Variants in SLC4A8 observed in about 807,000 individuals in gnomAD.
SLC4A8 encodes solute carrier family 4 member 8.
In SLC4A8, 40 loss-of-function variants were observed where a neutral mutation model predicts 125.0. That is an observed-to-expected ratio of 0.32 (90% CI 0.25 to 0.42). The LOEUF is 0.42. SLC4A8 is among the 10% of genes least tolerant of loss of function. The pLI, the probability that SLC4A8 is intolerant of heterozygous loss-of-function variation, is 1.00. For synonymous variants in SLC4A8, 456 were observed against 476.0 expected, an observed-to-expected ratio of 0.96 and a Z score of 0.55; for missense variants, 863 against 1,355.1, an observed-to-expected ratio of 0.64 and a Z score of 5.70.
rs1055693123 is a variant in SLC4A8 at position 51,448,410 on chromosome 12, G to A, written c.131-2466G>A. Among the ~76,000 whole-genome samples the A allele has an allele frequency of 3.3e-5, 5 of 152,324 alleles. No individual in the cohort carries two copies. The East Asian group carries it at 5.8e-4, about 18-fold the overall frequency. On this transcript the variant is annotated intron_variant, in intron 2 of 24. Transcript: ENST00000453097. ...AGAAACATGGAATGAGTATAAGACC[G>A]ATTTGAGATGGAGGATGGTGAGTTT...
At chr12:51,440,934 C>A in intron 2 of SLC4A8, 145 bp downstream of exon 2, 1 of 941,462 alleles carries the variant, frequency 1.1e-6, no homozygotes, top group Non-Finnish European at 1.5e-6. Flanking sequence ...CTTTCCTCAT[C>A]TGGTAAATAA....
chr12:51,512,538 G>A lies in SLC4A8; in HGVS notation c.*5100G>A, dbSNP rs1690054641. On this transcript the variant is annotated 3_prime_UTR_variant, in exon 25 of 25. Transcript: ENST00000453097. ...CAAACACTCAATCCGAGTCCTGGCT[G>A]CTTTCTTGCTTAGGTCTGTGGCTGG... 1 of 152,254 alleles carries A rather than the reference G, an allele frequency of 6.6e-6. No homozygotes were observed. Among genetic ancestry groups the A allele is most frequent in the Non-Finnish European group, 1.5e-5 (1 of 68,082 alleles). 9.4% of individuals were successfully genotyped at this position (152,254 alleles called of 1,614,324 possible). A position where few individuals can be genotyped will look rare whatever the true frequency, so the allele number is the denominator to read the frequency against.
chr12:51,441,455 A>T (rs1251253983), intron 2 of SLC4A8, among the ~76,000 whole-genome samples: 1 of 152,132 alleles, frequency 6.6e-6, no homozygotes, highest in Non-Finnish European at 1.5e-5. Context: ...CATAACCGTT[A>T]TGTGGTGTCC....
At chr12:51,502,126 A>G (rs1227043798) in intron 22 of SLC4A8, 2 of 152,264 alleles carry the variant, frequency 1.3e-5, no homozygotes, top group Non-Finnish European at 2.9e-5. Flanking sequence ...AGGGAGAACT[A>G]CAAAACATTG....
chr12:51,396,352 G>C (rs1948261492), intron 1 of SLC4A8, among the ~76,000 whole-genome samples: 1 of 152,156 alleles, frequency 6.6e-6, no homozygotes, highest in Non-Finnish European at 1.5e-5. Flanking sequence ...TTTGTCAGGG[G>C]AGCCTGATGT....
At position 51,494,919 on chromosome 12, in the gene SLC4A8, AATAAAT is replaced by A. The variant is rs770538274; in HGVS notation, c.2770-25_2770-20del. On this transcript the variant is annotated intron_variant, in intron 20 of 24. Coordinates refer to ENST00000453097, the MANE Select transcript of SLC4A8 (RefSeq NM_001039960.3). Reference sequence around the variant, plus strand: ...TTCTGACCCAGAATGCCCTCCTGAAAATAAATGCCAGTTCCTTCCTTTCAGTTCTTT... The same window carrying A: ...TTCTGACCCAGAATGCCCTCCTGAAAGCCAGTTCCTTCCTTTCAGTTCTTT... 1 of 1,606,008 alleles carries A rather than the reference AATAAAT, an allele frequency of 6.2e-7. No homozygotes were observed. Among genetic ancestry groups the A allele is most frequent in the Non-Finnish European group, 8.5e-7 (1 of 1,173,886 alleles).
chr12:51,460,064 A>G lies in SLC4A8; in HGVS notation c.969A>G (p.Pro323=), dbSNP rs1421088234. 4 of 1,613,804 alleles carry G rather than the reference A, an allele frequency of 2.5e-6. No individual in the cohort carries two copies. In the Admixed American group the frequency reaches 5.0e-5, roughly 20 times the overall value. ...RPIVAFVRLS[P]AVLLSGLTEV... ...TTGTTGCCTTTGTGAGGCTGTCTCC[A>G]GCTGTTCTTCTCTCAGGCCTAACAG... Residue 323 remains proline, a synonymous_variant, in exon 8 of 25, where the codon CCA becomes CCG. Transcript: ENST00000453097.
At position 51,424,999 on chromosome 12, in the gene SLC4A8, C is replaced by T. The variant is rs1436589005; in HGVS notation, c.12C>T (p.Ala4=). MPA[A]GSNEPDGVLS... ...AGTTCGGCTCCGCCATGCCGGCCGC[C>T]GGGAGTAACGAGCCGGACGGCGTCC... is the stretch of plus-strand genomic sequence containing the variant. Residue 4 remains alanine (A), a synonymous_variant, in exon 1 of 25, where the codon GCC becomes GCT. Coordinates refer to ENST00000453097, the MANE Select transcript of SLC4A8 (RefSeq NM_001039960.3). The T allele has an allele frequency of 6.4e-7, 1 of 1,555,792 alleles. No homozygotes were observed. The highest frequency in any genetic ancestry group is 2.4e-5 in the East Asian group (1 of 41,232).
At chr12:51,484,862 C>G (rs1201397093) in intron 16 of SLC4A8, among the ~76,000 whole-genome samples, 1 of 151,646 alleles carries the variant, frequency 6.6e-6, no homozygotes, top group African/African-American at 2.4e-5. Flanking sequence ...AGGGAGGTGG[C>G]CAATTTTAAG....
rs544120258 is a variant in SLC4A8, at chr12:51,436,115, T to G, written c.49-4593T>G. On this transcript the variant is annotated intron_variant, in intron 1 of 24. Transcript: ENST00000453097. ...GGACTGCATGGCTCTTATTTACCTT[T>G]TGTCTTAAAACTGTATCTCCTTTCT... Among the ~76,000 whole-genome samples, 3 of 152,370 alleles carry G rather than the reference T, an allele frequency of 2.0e-5. No individual in the cohort carries two copies. In the East Asian group the frequency reaches 5.8e-4, roughly 29 times the overall value.
intron 10 of SLC4A8, among the ~76,000 whole-genome samples, 186 bp from the exon 11 acceptor site, chr12:51,463,410 GGTGTGTGTGTGTGTGTGT>G (rs71731491): frequency 2.1e-5 from 3 of 144,028 alleles, no homozygotes; most frequent in Non-Finnish European, 3.0e-5. Flanking sequence ...GAAATTATGG[GGTGTGTGTGTGTGTGTGT>G]GTGTGTGTGT....
intron 1 of SLC4A8, among the ~76,000 whole-genome samples, chr12:51,432,755 C>A (rs187125953): frequency 1.6e-3 from 249 of 152,154 alleles, no homozygotes; most frequent in African/African-American, 5.8e-3. Flanking sequence ...CTCTGGAAAT[C>A]ATCTCTATAT....
At chr12:51,450,198 T>C (rs1247858699) in intron 2 of SLC4A8, among the ~76,000 whole-genome samples, 1 of 152,188 alleles carries the variant, frequency 6.6e-6, no homozygotes, top group East Asian at 1.9e-4. Flanking sequence ...TTCTAGATTG[T>C]GTATGCTACA....
chr12:51,453,586 G>T lies in SLC4A8; in HGVS notation c.461G>T (p.Ser154Ile). ...EDVEDGGERW[S>I]KPYVATLSLH... Reference sequence around the variant, plus strand: ...GTTGAAGATGGGGGAGAACGCTGGAGCAAGCCTTATGTGGCAACCCTTTCA... The same window carrying T: ...GTTGAAGATGGGGGAGAACGCTGGATCAAGCCTTATGTGGCAACCCTTTCA... Residue 154 changes from serine (S) to isoleucine (I), a missense_variant, in exon 5 of 25, where the codon AGC (serine) becomes ATC (isoleucine). This residue lies in a region of SLC4A8 where 390 missense variants were observed against 634.4 expected (regional missense o/e 0.61). Transcript: ENST00000453097. 1.9e-6 allele frequency: 3 copies of T among 1,614,204 alleles called. No homozygotes were observed. Among genetic ancestry groups the T allele is most frequent in the Non-Finnish European group, 2.5e-6 (3 of 1,180,020 alleles).
intron 5 of SLC4A8, among the ~76,000 whole-genome samples, chr12:51,454,280 G>A (rs1479635714): frequency 6.6e-6 from 1 of 151,556 alleles, no homozygotes; most frequent in Admixed American, 6.6e-5. Flanking sequence ...CTAGGTAGCA[G>A]AGTGAGTGTA....
intron 1 of SLC4A8, among the ~76,000 whole-genome samples, chr12:51,396,767 C>T (rs1434219675): frequency 1.3e-5 from 2 of 151,022 alleles, no homozygotes; most frequent in Non-Finnish European, 2.9e-5. Flanking sequence ...ACATATTTTT[C>T]TGTATTTTTT....
chr12:51,431,042 T>C (rs976009947), intron 1 of SLC4A8, among the ~76,000 whole-genome samples: 1 of 151,674 alleles, frequency 6.6e-6, no homozygotes, highest in Non-Finnish European at 1.5e-5. Flanking sequence ...TTTCTGGAGG[T>C]TCTGGGAGAG....
At chr12:51,496,351 G>A (rs914307340) in intron 21 of SLC4A8, among the ~76,000 whole-genome samples, 7 of 152,200 alleles carry the variant, frequency 4.6e-5, no homozygotes, top group African/African-American at 1.4e-4. Context: ...GGCCCTCATG[G>A]AAAGAAAGTG....
chr12:51,470,956 T>G (rs1289141237), intron 13 of SLC4A8, among the ~76,000 whole-genome samples: 1 of 152,154 alleles, frequency 6.6e-6, no homozygotes, highest in Non-Finnish European at 1.5e-5. Flanking sequence ...TCTTTTTTCC[T>G]TTTATATTTC....
Sources: gnomAD v4.1 joint callset for allele counts (sites outside exome capture counted in the v4.1 genomes callset) on GRCh38, gnomAD v4.1.1 for gene constraint, gnomAD v4.1.1 regional missense constraint, MANE v1.5 for transcripts, NCBI Gene and HGNC (gene_info 2026-07-23, HGNC 2026-07-21) for gene names.